The following MYO5B variants were observed in gnomAD, a reference collection of about 807,000 sequenced individuals.
MYO5B encodes the protein myosin VB.
MYO5B carries 143 observed loss-of-function variants against 229.3 expected under a neutral mutation model. The ratio of observed to expected loss-of-function variants is 0.62; its 90% CI spans 0.54 to 0.72. The LOEUF (loss-of-function observed/expected upper bound fraction) is 0.72. MYO5B is among the 30% of genes least tolerant of loss of function. The pLI is 0.00. For missense variants in MYO5B, 2,321 were observed against 2,331.0 expected, an observed-to-expected ratio of 1.00 and a Z score of 0.09; for synonymous variants, 918 against 885.2, an observed-to-expected ratio of 1.04 and a Z score of -0.66.
rs554269111 is a variant in MYO5B, at chr18:49,869,544, A to G, written c.3603+2623T>C. Reference sequence around the variant, plus strand: ...AGCTATTTAGACTTATGGCAGTTTAAGACAAATGTTTATTGCGCCCTCTCT... The same window carrying G: ...AGCTATTTAGACTTATGGCAGTTTAGGACAAATGTTTATTGCGCCCTCTCT... On this transcript the variant is annotated intron_variant, in intron 27 of 39. Transcript: ENST00000285039. 5.9e-5 allele frequency among the ~76,000 whole-genome samples: 9 copies of G among 152,340 alleles called. No homozygotes were observed. The South Asian group carries it at 1.9e-3, about 32-fold the overall frequency.
At chr18:49,899,324 T>G (rs979647303) in intron 21 of MYO5B, among the ~76,000 whole-genome samples, 1 of 152,186 alleles carries the variant, frequency 6.6e-6, no homozygotes, top group Non-Finnish European at 1.5e-5. Flanking sequence ...AGCCCCTATA[T>G]AGAGCTCTAA....
intron 10 of MYO5B, among the ~76,000 whole-genome samples, chr18:49,965,885 C>G (rs184003523): frequency 1.3e-5 from 2 of 152,168 alleles, no homozygotes; most frequent in Non-Finnish European, 2.9e-5. Flanking sequence ...GTAATACCAA[C>G]GAGGTAATAG....
intron 1 of MYO5B, among the ~76,000 whole-genome samples, chr18:50,074,577 AT>A (rs1241075410): frequency 6.6e-6 from 1 of 152,118 alleles, no homozygotes; most frequent in Non-Finnish European, 1.5e-5. Flanking sequence ...GGGCCTTTGA[AT>A]CTGCACCCTG....
At chr18:50,183,752 G>A (rs1002369031) in intron 1 of MYO5B, among the ~76,000 whole-genome samples, 5 of 151,978 alleles carry the variant, frequency 3.3e-5, no homozygotes, top group African/African-American at 4.8e-5. Flanking sequence ...GGTGGGAGGC[G>A]GGGCCTAGTG....
intron 2 of MYO5B, among the ~76,000 whole-genome samples, chr18:50,054,355 G>A (rs1485532328): frequency 2.0e-5 from 3 of 152,122 alleles, no homozygotes; most frequent in Non-Finnish European, 4.4e-5. Context: ...AAAAAGAGTG[G>A]GTTCCTTTTC....
intron 1 of MYO5B, among the ~76,000 whole-genome samples, chr18:50,124,820 T>C (rs2032130919): frequency 6.6e-6 from 1 of 152,088 alleles, no homozygotes; most frequent in South Asian, 2.1e-4. Flanking sequence ...CGTCAACTTA[T>C]TTCAGGAATG....
intron 1 of MYO5B, among the ~76,000 whole-genome samples, chr18:50,123,806 C>T (rs577833434): frequency 1.4e-4 from 21 of 152,314 alleles, no homozygotes; most frequent in African/African-American, 5.1e-4. Flanking sequence ...CAAATACCTA[C>T]TGGAAGCCTG....
chr18:49,993,652 C>T (rs752650449), intron 5 of MYO5B, among the ~76,000 whole-genome samples: 3 of 152,222 alleles, frequency 2.0e-5, no homozygotes, highest in Admixed American at 6.5e-5. Context: ...AAGTTCCAAA[C>T]GGGTCAAACT....
chr18:50,171,796 A>G (rs2032923284), intron 1 of MYO5B, among the ~76,000 whole-genome samples: 1 of 127,488 alleles, frequency 7.8e-6, no homozygotes, highest in Non-Finnish European at 1.7e-5. Flanking sequence ...TTGTTTAGTG[A>G]GTGTCAATCC....
chr18:50,065,696 G>C (rs111611887), intron 1 of MYO5B, among the ~76,000 whole-genome samples: 1 of 152,086 alleles, frequency 6.6e-6, no homozygotes, highest in Non-Finnish European at 1.5e-5. Context: ...CAAGGATCCC[G>C]GACCACATGC....
Position 50,194,900 on chromosome 18 carries a change from C to G in MYO5B, c.-107G>C. ...GTTCCCGGGCTGGCCTGGAGTTTCT[C>G]GATCTTCTCGCTCTTCTCCGACCTG... On this transcript the variant is annotated 5_prime_UTR_variant, in exon 1 of 40. Transcript: ENST00000285039. 8.2e-7 allele frequency: 1 copy of G among 1,216,762 alleles called. No homozygotes were observed. The highest frequency in any genetic ancestry group is 3.4e-5 in the East Asian group (1 of 29,702). The allele number at this position is 1,216,762 out of a possible 1,614,324, so 75.4% of individuals were successfully genotyped here.
At chr18:50,167,549 A>G (rs1039256576) in intron 1 of MYO5B, among the ~76,000 whole-genome samples, 1 of 152,198 alleles carries the variant, frequency 6.6e-6, no homozygotes, top group Admixed American at 6.5e-5. Context: ...ATAAGTTATA[A>G]AAGACAAATT....
chr18:50,105,996 T>C (rs919327893), intron 1 of MYO5B, among the ~76,000 whole-genome samples: 2 of 152,100 alleles, frequency 1.3e-5, no homozygotes, highest in Non-Finnish European at 2.9e-5. Flanking sequence ...CTACTTTTTA[T>C]AGAACCACCT....
At chr18:50,002,050 A>T (rs2026053900) in intron 4 of MYO5B, among the ~76,000 whole-genome samples, 1 of 151,698 alleles carries the variant, frequency 6.6e-6, no homozygotes, top group Non-Finnish European at 1.5e-5. Flanking sequence ...AAAAAAAAAA[A>T]AAATTCACAA....
At chr18:50,033,475 A>T (rs1053292438) in intron 4 of MYO5B, among the ~76,000 whole-genome samples, 1 of 152,312 alleles carries the variant, frequency 6.6e-6, no homozygotes, top group Middle Eastern at 3.4e-3. Context: ...CTCTCCCACC[A>T]GACAGTGAGC....
chr18:49,868,576 C>G (rs1217185912), intron 27 of MYO5B, among the ~76,000 whole-genome samples: 1 of 152,250 alleles, frequency 6.6e-6, no homozygotes, highest in African/African-American at 2.4e-5. Context: ...TCTGTCTGCC[C>G]AGCCAGCTTC....
rs1357875882 is a variant in MYO5B, at chr18:49,941,116, T to C, written c.1753-3719A>G. Among the ~76,000 whole-genome samples the C allele has an allele frequency of 2.6e-5, 4 of 152,352 alleles. No homozygotes were observed. The South Asian group carries it at 6.2e-4, about 24-fold the overall frequency. ...TCATGTGCACCTACATGGACAATCA[T>C]GCGGGAATCAACACGTGTCAGTTTC... On this transcript the variant is annotated intron_variant, in intron 14 of 39. Coordinates refer to ENST00000285039, the MANE Select transcript of MYO5B (RefSeq NM_001080467.3).
chr18:49,886,686 G>A (rs2024645755), intron 22 of MYO5B, among the ~76,000 whole-genome samples: 1 of 152,094 alleles, frequency 6.6e-6, no homozygotes, highest in Non-Finnish European at 1.5e-5. Flanking sequence ...AATAATTAAT[G>A]CAACAGATGT....
intron 17 of MYO5B, among the ~76,000 whole-genome samples, chr18:49,913,602 C>T (rs1243156945): frequency 6.6e-6 from 1 of 152,120 alleles, no homozygotes; most frequent in Non-Finnish European, 1.5e-5. Context: ...GACTGTCCAA[C>T]TACCTGATAT....
Sources: allele counts gnomAD v4.1 joint callset (sites outside exome capture counted in the v4.1 genomes callset), GRCh38; gene constraint gnomAD v4.1.1; transcripts MANE v1.5; gene names NCBI Gene and HGNC (gene_info 2026-07-23, HGNC 2026-07-21).